The following LIG4 variants were observed in gnomAD, a reference collection of about 807,000 sequenced individuals.
LIG4 encodes DNA joinase.
A neutral mutation model predicts 19.0 loss-of-function variants in LIG4; 13 were observed. The observed-to-expected ratio is 0.68, with a 90% CI of 0.44 to 1.09. The LOEUF (loss-of-function observed/expected upper bound fraction) is 1.09. LIG4 is among the 50% of genes least tolerant of loss of function. The probability of loss-of-function intolerance (pLI) is 0.00; values close to 1 mark genes in which losing one functional copy is unlikely to be tolerated. For synonymous variants in LIG4, 361 were observed against 358.2 expected, an observed-to-expected ratio of 1.01 and a Z score of -0.09; for missense variants, 1,026 against 1,089.7, an observed-to-expected ratio of 0.94 and a Z score of 0.82.
chr13:108,217,628 C>A (rs1342996639), upstream of LIG4, among the ~76,000 whole-genome samples: 2 of 145,462 alleles, frequency 1.4e-5, no homozygotes, highest in African/African-American at 2.6e-5. Context: ...ACCAGGGAGG[C>A]GGAGGTTGCA....
upstream of LIG4, among the ~76,000 whole-genome samples, chr13:108,215,983 G>GT (rs111554188): frequency 7.5e-3 from 1,097 of 146,442 alleles, 16 homozygotes; most frequent in Admixed American, 0.02. Context: ...ATATAGAGCT[G>GT]TTTTTTTTTT....
intron 2 of LIG4, among the ~76,000 whole-genome samples, chr13:108,214,243 G>GAAACA (rs1398653810): frequency 2.0e-5 from 3 of 152,144 alleles, no homozygotes; most frequent in African/African-American, 7.2e-5. Context: ...GTTTCCCTAG[G>GAAACA]AAACAAAGGG....
At position 108,209,530 on chromosome 13, in the gene LIG4, C is replaced by G; in HGVS notation, c.1739G>C (p.Arg580Pro). The G allele has an allele frequency of 6.2e-7, 1 of 1,614,092 alleles. No individual in the cohort carries two copies. Among genetic ancestry groups the G allele is most frequent in the South Asian group, 1.1e-5 (1 of 91,080 alleles). Residue 580 changes from arginine (R) to proline (P), a missense_variant, in exon 3 of 3, where the codon CGA becomes CCA. Arg to Pro is a moderately radical substitution (Grantham distance 103). Around this residue, in one of 3 missense-constraint regions of LIG4, gnomAD observed 521 missense variants for 515.5 expected, o/e 1.01. Transcript: ENST00000442234. ...YKTGCTLRFP[R>P]IEKIRDDKEW... ...CTTGTCATCTCTTATCTTTTCAATT[C>G]GTGGAAAACGCAAGGTGCAGCCAGT...
Position 108,211,244 on chromosome 13 carries a change from T to C in LIG4, c.25A>G (p.Thr9Ala), listed in dbSNP as rs2138981941. The change falls in exon 3 of 3, where the codon ACT becomes GCT. Residue 9 changes from threonine (T) to alanine (A), a missense_variant. Physicochemically the swap from Thr to Ala is moderately conservative, Grantham distance 58. Transcript: ENST00000442234. Reference sequence around the variant, plus strand: ...GCAAAAGGAACGTGAGATGCAACAGTTTGTGAAGTTTGTGAGGCAGCCATC... The same window carrying C: ...GCAAAAGGAACGTGAGATGCAACAGCTTGTGAAGTTTGTGAGGCAGCCATC... MAASQTSQTVASHVPFADL... is the reference protein window; with the variant it reads MAASQTSQAVASHVPFADL... The C allele has an allele frequency of 6.2e-7, 1 of 1,612,516 alleles. No homozygotes were observed. Among genetic ancestry groups the C allele is most frequent in the Non-Finnish European group, 8.5e-7 (1 of 1,179,770 alleles).
rs1878196580 is a variant in LIG4, at chr13:108,208,724, C to T, written c.2545G>A (p.Gly849Arg). Residue 849 changes from glycine (G) to arginine (R), a missense_variant, in exon 3 of 3, where the codon GGA becomes AGA. Gly to Arg is a moderately radical substitution (Grantham distance 125). Around this residue, in one of 3 missense-constraint regions of LIG4, gnomAD observed 521 missense variants for 515.5 expected, o/e 1.01. Transcript: ENST00000442234. The part of the protein sequence containing the change: ...AIKALELRFH[G>R]AKVVSCLAEG... ...GCTAAACAAGAAACTACTTTTGCTC[C>T]ATGAAACCGAAGCTCCAAGGCTTTA... is the stretch of plus-strand genomic sequence containing the variant. 1 of 1,614,190 alleles carries T rather than the reference C, an allele frequency of 6.2e-7. No homozygotes were observed. Among genetic ancestry groups the T allele is most frequent in the Non-Finnish European group, 8.5e-7 (1 of 1,180,042 alleles).
At position 108,209,755 on chromosome 13, in the gene LIG4, C is replaced by T. The variant is rs138366433; in HGVS notation, c.1514G>A (p.Arg505His). 8 of 1,613,978 alleles carry T rather than the reference C, an allele frequency of 5.0e-6. No homozygotes were observed. The highest frequency in any genetic ancestry group is 4.0e-5 in the African/African-American group (3 of 74,894). Residue 505 changes from arginine to histidine, a missense_variant, in exon 3 of 3, where the codon CGT becomes CAT. Arg to His is a conservative substitution (Grantham distance 29). This residue lies in a region of LIG4 where 521 missense variants were observed against 515.5 expected (regional missense o/e 1.01). Coordinates refer to ENST00000442234, the MANE Select transcript of LIG4 (RefSeq NM_206937.2). ...EKPSVFHTLS[R>H]VGSGCTMKEL... The stretch of plus-strand genomic sequence containing the variant: ...TTTCATGGTGCAGCCAGACCCAACA[C>T]GAGAGAGAGTATGAAACACAGATGG...
At position 108,207,550 on chromosome 13, in the gene LIG4, C is replaced by A. The variant is rs75642465; in HGVS notation, c.*983G>T. 1 of 152,192 alleles carries A rather than the reference C, an allele frequency of 6.6e-6. No homozygotes were observed. The highest frequency in any genetic ancestry group is 2.1e-4 in the South Asian group (1 of 4,828). The allele number at this position is 152,192 out of a possible 1,614,324, so 9.4% of individuals were successfully genotyped here. A position where few individuals can be genotyped will look rare whatever the true frequency, so the allele number is the denominator to read the frequency against. ...TCCAATAACTTTCAAATAATGCACACATAGTATCGCATGGATCAAATTCCG... is the reference window on the plus strand; with the variant it reads ...TCCAATAACTTTCAAATAATGCACAAATAGTATCGCATGGATCAAATTCCG... On this transcript the variant is annotated 3_prime_UTR_variant, in exon 3 of 3. Coordinates refer to ENST00000442234, the MANE Select transcript of LIG4 (RefSeq NM_206937.2).
chr13:108,213,486 T>C (rs1878882345), intron 2 of LIG4, among the ~76,000 whole-genome samples: 1 of 152,234 alleles, frequency 6.6e-6, no homozygotes, highest in African/African-American at 2.4e-5. Flanking sequence ...ACATGTATCC[T>C]AAAATGGCTA....
Position 108,207,520 on chromosome 13 carries a change from A to C in LIG4, c.*1013T>G, listed in dbSNP as rs1878042204. 1 of 152,204 alleles carries C rather than the reference A, an allele frequency of 6.6e-6. No homozygotes were observed. The highest frequency in any genetic ancestry group is 2.1e-4 in the South Asian group (1 of 4,838). The allele number at this position is 152,204 out of a possible 1,614,324, so 9.4% of individuals were successfully genotyped here. On this transcript the variant is annotated 3_prime_UTR_variant, in exon 3 of 3. Transcript: ENST00000442234. ...ATACATTTGTTCCACGGTTTGAATAAAATTTCCAATAACTTTCAAATAATG... is the reference window on the plus strand; with the variant it reads ...ATACATTTGTTCCACGGTTTGAATACAATTTCCAATAACTTTCAAATAATG...
At position 108,208,693 on chromosome 13, in the gene LIG4, C is replaced by A. The variant is rs781089675; in HGVS notation, c.2576G>T (p.Gly859Val). The change falls in exon 3 of 3, where the codon GGA (glycine) becomes GTA (valine). Residue 859 changes from glycine (G) to valine (V), a missense_variant. Physicochemically the swap from Gly to Val is moderately radical, Grantham distance 109. Coordinates refer to ENST00000442234, the MANE Select transcript of LIG4 (RefSeq NM_206937.2). ...TTCCCCAATTATTACATGAGACACT[C>A]CCTCAGCTAAACAAGAAACTACTTT... Reference protein sequence around the residue: ...GAKVVSCLAEGVSHVIIGEDH... With the variant: ...GAKVVSCLAEVVSHVIIGEDH... The A allele has an allele frequency of 4.3e-6, 7 of 1,614,024 alleles. No individual in the cohort carries two copies. The highest frequency in any genetic ancestry group is 5.9e-6 in the Non-Finnish European group (7 of 1,180,022).
rs749801237 is a variant in LIG4 at position 108,209,008 on chromosome 13, A to G, written c.2261T>C (p.Phe754Ser). 3.1e-6 allele frequency: 5 copies of G among 1,614,140 alleles called. No homozygotes were observed. The highest frequency in any genetic ancestry group is 4.2e-6 in the Non-Finnish European group (5 of 1,180,016). Residue 754 changes from phenylalanine (F) to serine (S), a missense_variant, in exon 3 of 3, where the codon TTT becomes TCT. Physicochemically the swap from Phe to Ser is radical, Grantham distance 155. This residue lies in a region of LIG4 where 521 missense variants were observed against 515.5 expected (regional missense o/e 1.01). Transcript: ENST00000442234. Reference sequence around the variant, plus strand: ...ACCATAGCAATCATATTCACGGGCAAAATGTTCTTTGGTTGATGGGCACAT... The same window carrying G: ...ACCATAGCAATCATATTCACGGGCAGAATGTTCTTTGGTTGATGGGCACAT... The part of the protein sequence containing the change: ...IHMCPSTKEH[F>S]AREYDCYGDS...
At chr13:108,216,707 A>G (rs1732153269), upstream of LIG4, among the ~76,000 whole-genome samples, 1 of 152,204 alleles carries the variant, frequency 6.6e-6, no homozygotes, top group South Asian at 2.1e-4. Flanking sequence ...CCACTTGCCC[A>G]TCTTAGGAGA....
At chr13:108,214,056 T>C (rs1028055920) in intron 2 of LIG4, among the ~76,000 whole-genome samples, 3 of 152,230 alleles carry the variant, frequency 2.0e-5, no homozygotes, top group Non-Finnish European at 4.4e-5. Context: ...TCATCATTCA[T>C]TCAGTTCTGA....
Position 108,209,589 on chromosome 13 carries a change from T to G in LIG4, c.1680A>C (p.Lys560Asn). Reference sequence around the variant, plus strand: ...TATCACTGGGTACGATCTCTGCTGCTTTAATCTGAACAATGACAGAATTAC... The same window carrying G: ...TATCACTGGGTACGATCTCTGCTGCGTTAATCTGAACAATGACAGAATTAC... Reference protein sequence around the residue: ...EPCNSVIVQIKAAEIVPSDMY... With the variant: ...EPCNSVIVQINAAEIVPSDMY... The change falls in exon 3 of 3, where the codon AAA becomes AAC. Residue 560 changes from lysine to asparagine, a missense_variant. Physicochemically the swap from Lys to Asn is moderately conservative, Grantham distance 94. Around this residue, in one of 3 missense-constraint regions of LIG4, gnomAD observed 521 missense variants for 515.5 expected, o/e 1.01. Coordinates refer to ENST00000442234, the MANE Select transcript of LIG4 (RefSeq NM_206937.2). 1 of 1,614,174 alleles carries G rather than the reference T, an allele frequency of 6.2e-7. No individual in the cohort carries two copies. The highest frequency in any genetic ancestry group is 2.2e-5 in the East Asian group (1 of 44,868).
chr13:108,208,811 A>G lies in LIG4; in HGVS notation c.2458T>C (p.Leu820=), dbSNP rs1349041132. ...LSMFRRHTVY[L]DSYAVINDLS... is the part of the protein sequence containing the mutation. ...TCATTAATAACAGCATACGAGTCCA[A>G]ATAAACGGTGTGGCGTCGAAACATA... The change falls in exon 3 of 3, where the codon TTG becomes CTG. Residue 820 remains leucine, a synonymous_variant. Coordinates refer to ENST00000442234, the MANE Select transcript of LIG4 (RefSeq NM_206937.2). 6.2e-7 allele frequency: 1 copy of G among 1,614,142 alleles called. No homozygotes were observed. The highest frequency in any genetic ancestry group is 1.7e-5 in the Admixed American group (1 of 60,022).
chr13:108,218,132 C>CTAGGGT (rs1312865814), upstream of LIG4: 29 of 152,318 alleles, frequency 1.9e-4, 1 homozygote, highest in East Asian at 5.4e-3. Context: ...CTTAACAACC[C>CTAGGGT]TATCAGGCAG....
chr13:108,217,876 A>AT (rs911411331), upstream of LIG4, among the ~76,000 whole-genome samples: 2 of 152,186 alleles, frequency 1.3e-5, no homozygotes, highest in Admixed American at 6.5e-5. Context: ...TTAAGGGCCC[A>AT]TTTTTGCGAA....
chr13:108,209,040 C>CTTT lies in LIG4; in HGVS notation c.2228_2229insAAA (p.Met743delinsIleLys). The stretch of plus-strand genomic sequence containing the variant: ...CTTTGGTTGATGGGCACATATGAAT[C>CTTT]ATAAAGCGAGGCTGCCATGGTACAA... On this transcript the variant is annotated protein_altering_variant, in exon 3 of 3. Transcript: ENST00000442234. 1.2e-6 allele frequency: 2 copies of CTTT among 1,614,086 alleles called. No individual in the cohort carries two copies. The highest frequency in any genetic ancestry group is 1.7e-6 in the Non-Finnish European group (2 of 1,180,042).
At position 108,212,659 on chromosome 13, in the gene LIG4, T is replaced by C. The variant is rs183905623; in HGVS notation, c.-28-1363A>G. On this transcript the variant is annotated intron_variant, in intron 2 of 2. Transcript: ENST00000442234. ...TATTACAGTGCAGAAAATATGTGAC[T>C]CCCCATCTTCCAATTCGCAAACAAA... Among the ~76,000 whole-genome samples, 111 of 150,912 alleles carry C rather than the reference T, an allele frequency of 7.4e-4. 2 individuals carry two copies. The highest frequency in any genetic ancestry group is 6.9e-3 in the Admixed American group (104 of 15,012).
Sources: allele counts gnomAD v4.1 joint callset (sites outside exome capture counted in the v4.1 genomes callset), GRCh38; gene constraint gnomAD v4.1.1; regional missense constraint gnomAD v4.1.1; transcripts MANE v1.5; gene names NCBI Gene and HGNC (gene_info 2026-07-23, HGNC 2026-07-21).